Variants in C17orf113 observed in about 807,000 individuals in gnomAD.
C17orf113 encodes the protein uncharacterized protein C17orf113.
In C17orf113, 5 loss-of-function variants were observed where a neutral mutation model predicts 11.6. That is an observed-to-expected ratio of 0.43 (90% CI 0.23 to 0.91). C17orf113 has a LOEUF of 0.91. Among genes scored for constraint, C17orf113 ranks in the 40% least tolerant of loss-of-function variants. C17orf113 has a pLI of 0.26. For synonymous variants in C17orf113, 327 were observed against 390.6 expected (o/e 0.84, Z 1.92); for missense variants, 714 against 841.3 (o/e 0.85, Z 1.87).
Position 42,042,829 on chromosome 17 carries a change from C to T in C17orf113, c.543+5G>A, listed in dbSNP as rs1171357535. 2 of 1,232,188 alleles carry T rather than the reference C, an allele frequency of 1.6e-6. No individual in the cohort carries two copies. The highest frequency in any genetic ancestry group is 6.3e-5 in the East Asian group (2 of 31,720). The allele number at this position is 1,232,188 out of a possible 1,614,324, so 76.3% of individuals were successfully genotyped here. On this transcript the variant is annotated splice_donor_5th_base_variant and intron_variant, in intron 2 of 2. Transcript: ENST00000587304. ...CCTTCCCCCATACTTCTGGCTGTCA[C>T]CCACCTGCATGTCCCTCACCCTCCT...
rs1235395705 is a variant in C17orf113 at position 42,039,744 on chromosome 17, A to G, written c.1989T>C (p.Ser663=). The part of the protein sequence containing the change: ...DFGLAVEFLE[S]GWGEGFLGSQ... ...ACCCCAGGAAGCCCTCTCCCCACCC[A>G]CTCTCTAAGAACTCCACAGCCAACC... Residue 663 remains serine (S), a synonymous_variant, in exon 3 of 3, where the codon AGT becomes AGC. Coordinates refer to ENST00000587304, the MANE Select transcript of C17orf113 (RefSeq NM_001358661.2). 8.1e-7 allele frequency: 1 copy of G among 1,232,160 alleles called. No individual in the cohort carries two copies. The highest frequency in any genetic ancestry group is 3.2e-5 in the East Asian group (1 of 31,690). 76.3% of individuals were successfully genotyped at this position (1,232,160 alleles called of 1,614,324 possible).
Position 42,039,529 on chromosome 17 carries a change from A to C in C17orf113, c.*176T>G. The C allele has an allele frequency of 2.1e-5, 8 of 382,286 alleles. No individual in the cohort carries two copies. The highest frequency in any genetic ancestry group is 6.6e-4 in the Middle Eastern group (1 of 1,512). The allele number at this position is 382,286 out of a possible 1,614,324, so 23.7% of individuals were successfully genotyped here. A position where few individuals can be genotyped will look rare whatever the true frequency, so the allele number is the denominator to read the frequency against. ...CCCTCTTGAGCCAGTCCCTTCCTCCACAGCCCACAGGGTGGGGGGGGTTGG... is the reference window on the plus strand; with the variant it reads ...CCCTCTTGAGCCAGTCCCTTCCTCCCCAGCCCACAGGGTGGGGGGGGTTGG... On this transcript the variant is annotated 3_prime_UTR_variant, in exon 3 of 3. Transcript: ENST00000587304.
chr17:42,040,211 C>T lies in C17orf113; in HGVS notation c.1522G>A (p.Gly508Arg). Reference sequence around the variant, plus strand: ...GCGGCCACGGCGTCCAGCGAAGGCCCGGGGTAGGAGTCCTGTAGGCCCTTC... The same window carrying T: ...GCGGCCACGGCGTCCAGCGAAGGCCTGGGGTAGGAGTCCTGTAGGCCCTTC... ...MRKGLQDSYP[G>R]PSLDAVAAFA... Residue 508 changes from glycine to arginine, a missense_variant, in exon 3 of 3, where the codon GGG becomes AGG. This residue lies in a region of C17orf113 where 516 missense variants were observed against 626.6 expected (regional missense o/e 0.82). Coordinates refer to ENST00000587304, the MANE Select transcript of C17orf113 (RefSeq NM_001358661.2). 5.7e-6 allele frequency: 7 copies of T among 1,231,584 alleles called. No homozygotes were observed. Among genetic ancestry groups the T allele is most frequent in the Non-Finnish European group, 6.1e-6 (6 of 987,844 alleles). 76.3% of individuals were successfully genotyped at this position (1,231,584 alleles called of 1,614,324 possible).
At chr17:42,047,005 G>A (rs1368569059) in intron 1 of C17orf113, among the ~76,000 whole-genome samples, 1 of 150,014 alleles carries the variant, frequency 6.7e-6, no homozygotes, top group Non-Finnish European at 1.5e-5. Flanking sequence ...TGGGATTACA[G>A]GCACATGCCG....
At position 42,040,026 on chromosome 17, in the gene C17orf113, G is replaced by A. The variant is rs962753832; in HGVS notation, c.1707C>T (p.Phe569=). Residue 569 remains phenylalanine, a synonymous_variant, in exon 3 of 3, where the codon TTC becomes TTT. Coordinates refer to ENST00000587304, the MANE Select transcript of C17orf113 (RefSeq NM_001358661.2). ...GDFALFKRVV[F]GLGRLGPRAL... ...CCCGCGGGCCGAGCCGCCCAAGGCC[G>A]AATACTACGCGCTTAAACAGCGCGA... 3.2e-5 allele frequency: 39 copies of A among 1,231,108 alleles called. No homozygotes were observed. In the African/African-American group the frequency reaches 4.5e-4, roughly 14 times the overall value. The allele number at this position is 1,231,108 out of a possible 1,614,324, so 76.3% of individuals were successfully genotyped here. A position where few individuals can be genotyped will look rare whatever the true frequency, so the allele number is the denominator to read the frequency against.
intron 2 of C17orf113, among the ~76,000 whole-genome samples, chr17:42,042,347 C>G (rs1482730045): frequency 6.6e-6 from 1 of 152,108 alleles, no homozygotes; most frequent in Non-Finnish European, 1.5e-5. Context: ...CATGGTGATA[C>G]CCCGTCTCTA....
intron 2 of C17orf113, among the ~76,000 whole-genome samples, chr17:42,041,963 G>C (rs1352280398): frequency 6.6e-6 from 1 of 152,152 alleles, no homozygotes; most frequent in Non-Finnish European, 1.5e-5. Flanking sequence ...TTCAACACAA[G>C]TCACAAATCT....
Position 42,050,003 on chromosome 17 carries a change from T to C in C17orf113, c.-188+554A>G, listed in dbSNP as rs1432026117. Among the ~76,000 whole-genome samples the C allele has an allele frequency of 1.3e-5, 2 of 152,170 alleles. No homozygotes were observed. Among genetic ancestry groups the C allele is most frequent in the Non-Finnish European group, 2.9e-5 (2 of 68,030 alleles). On this transcript the variant is annotated intron_variant, in intron 1 of 2. Transcript: ENST00000587304. The surrounding 1 kb of genome is among the most constrained non-coding windows in gnomAD (Gnocchi z 5.6). The stretch of plus-strand genomic sequence containing the variant: ...GCTGCTATAAACAGGTCAAATTCCA[T>C]TGACATTCTCCCCACCTCAACCTCA...
chr17:42,043,260 C>T lies in C17orf113; in HGVS notation c.117G>A (p.Glu39=). The T allele has an allele frequency of 8.1e-7, 1 of 1,232,282 alleles. No homozygotes were observed. Among genetic ancestry groups the T allele is most frequent in the Non-Finnish European group, 1.0e-6 (1 of 988,034 alleles). 76.3% of individuals were successfully genotyped at this position (1,232,282 alleles called of 1,614,324 possible). The change falls in exon 2 of 3, where the codon GAG becomes GAA. Residue 39 remains glutamate (E), a synonymous_variant. Transcript: ENST00000587304. ...ACTCGAGGCAGAACATCAGCTTCCG[C>T]TCATAGTCAAAGTCCAGCCAGGTAA... is the stretch of plus-strand genomic sequence containing the variant. ...EEFTWLDFDY[E]RKLMFCLECR...
intron 2 of C17orf113, 150 bp downstream of exon 2, chr17:42,042,684 C>T: frequency 1.8e-6 from 1 of 542,606 alleles, no homozygotes; most frequent in South Asian, 1.0e-4. Flanking sequence ...GGACCAGGGA[C>T]ATAGGCTCTC....
At position 42,039,944 on chromosome 17, in the gene C17orf113, A is replaced by G. The variant is rs935766100; in HGVS notation, c.1789T>C (p.Phe597Leu). The G allele has an allele frequency of 4.1e-6, 5 of 1,231,156 alleles. No homozygotes were observed. Among genetic ancestry groups the G allele is most frequent in the Non-Finnish European group, 4.1e-6 (4 of 987,562 alleles). 76.3% of individuals were successfully genotyped at this position (1,231,156 alleles called of 1,614,324 possible). ...AAAGCCAAGGCGGCTAGGGCGGCGA[A>G]GTCGGGGAAGAGCTCGTGCAGCTCC... is the stretch of plus-strand genomic sequence containing the variant. ...HSELHELFPD[F>L]AALAALALAL... Residue 597 changes from phenylalanine (F) to leucine (L), a missense_variant, in exon 3 of 3, where the codon TTC becomes CTC. Transcript: ENST00000587304.
Position 42,040,050 on chromosome 17 carries a change from G to A in C17orf113, c.1683C>T (p.Phe561=). The change falls in exon 3 of 3, where the codon TTC becomes TTT. Residue 561 remains phenylalanine, a synonymous_variant. Transcript: ENST00000587304. The stretch of plus-strand genomic sequence containing the variant: ...CGAATACTACGCGCTTAAACAGCGC[G>A]AAGTCGCCCAGCGCCCGCTGGCGCA... ...AVVRQRALGD[F]ALFKRVVFGL... 2.4e-6 allele frequency: 3 copies of A among 1,231,148 alleles called. No individual in the cohort carries two copies. The highest frequency in any genetic ancestry group is 3.0e-6 in the Non-Finnish European group (3 of 987,542). The allele number at this position is 1,231,148 out of a possible 1,614,324, so 76.3% of individuals were successfully genotyped here.
chr17:42,040,671 C>T lies in C17orf113; in HGVS notation c.1062G>A (p.Trp354Ter), dbSNP rs530564942. 6.6e-5 allele frequency: 81 copies of T among 1,232,272 alleles called. No individual in the cohort carries two copies. In the South Asian group the frequency reaches 3.1e-3, roughly 48 times the overall value. 76.3% of individuals were successfully genotyped at this position (1,232,272 alleles called of 1,614,324 possible). The change falls in exon 3 of 3, where the codon TGG becomes TGA. Residue 354 changes from tryptophan to a stop codon, truncating the protein, a stop_gained. Coordinates refer to ENST00000587304, the MANE Select transcript of C17orf113 (RefSeq NM_001358661.2). LOFTEE classifies it low-confidence loss of function (END_TRUNC). ...IDLAGPRPVP[W>*]ASLLPVVEAV... ...CTTCCACTACAGGCAGCAGGGAGGCCCAGGGCACTGGCCGAGGCCCTGCCA... is the reference window on the plus strand; with the variant it reads ...CTTCCACTACAGGCAGCAGGGAGGCTCAGGGCACTGGCCGAGGCCCTGCCA...
chr17:42,047,900 G>A (rs552804391), intron 1 of C17orf113, among the ~76,000 whole-genome samples: 6 of 151,562 alleles, frequency 4.0e-5, no homozygotes, highest in African/African-American at 4.9e-5. Flanking sequence ...TGATCTGCCC[G>A]CCTCAGCCTC....
chr17:42,048,994 C>G (rs564817690), intron 1 of C17orf113, among the ~76,000 whole-genome samples: 64 of 152,172 alleles, frequency 4.2e-4, no homozygotes, highest in African/African-American at 1.3e-3. Flanking sequence ...ACCACCCACT[C>G]CTCTAAGGCC....
chr17:42,047,655 G>A (rs2053194754), intron 1 of C17orf113, among the ~76,000 whole-genome samples: 1 of 151,852 alleles, frequency 6.6e-6, no homozygotes, highest in African/African-American at 2.4e-5. Flanking sequence ...CCTCTTCCTT[G>A]GGACTTTTTT....
chr17:42,041,549 A>T (rs2053022309), intron 2 of C17orf113, among the ~76,000 whole-genome samples: 1 of 152,194 alleles, frequency 6.6e-6, no homozygotes, highest in South Asian at 2.1e-4. Flanking sequence ...TTGTGGTAAA[A>T]GCACTTTATG....
rs367696996 is a variant in C17orf113 at position 42,039,484 on chromosome 17, C to T, written c.*221G>A. The stretch of plus-strand genomic sequence containing the variant: ...TTTAGGGTACCCCAGATCCTAGCAT[C>T]TCTGCCCACCCGCCCAGGCCCCTCT... On this transcript the variant is annotated 3_prime_UTR_variant, in exon 3 of 3. Coordinates refer to ENST00000587304, the MANE Select transcript of C17orf113 (RefSeq NM_001358661.2). 45 of 398,038 alleles carry T rather than the reference C, an allele frequency of 1.1e-4. No individual in the cohort carries two copies. Among genetic ancestry groups the T allele is most frequent in the East Asian group, 9.4e-4 (26 of 27,574 alleles). The allele number at this position is 398,038 out of a possible 1,614,324, so 24.7% of individuals were successfully genotyped here.
chr17:42,038,650 C>T lies in C17orf113; in HGVS notation c.*1055G>A, dbSNP rs2052924543. 1 of 151,910 alleles carries T rather than the reference C, an allele frequency of 6.6e-6. No individual in the cohort carries two copies. The highest frequency in any genetic ancestry group is 1.5e-5 in the Non-Finnish European group (1 of 68,076). 9.4% of individuals were successfully genotyped at this position (151,910 alleles called of 1,614,324 possible). ...CCAGCCCATCTGGGGCTTTTTTCGA[C>T]CCTGTCATTGCAAAACCAAAAGTAG... On this transcript the variant is annotated 3_prime_UTR_variant, in exon 3 of 3. Transcript: ENST00000587304.
Sources: allele counts gnomAD v4.1 joint callset (sites outside exome capture counted in the v4.1 genomes callset), GRCh38; gene constraint gnomAD v4.1.1; regional missense constraint gnomAD v4.1.1; non-coding constraint Gnocchi (gnomAD v3.1); transcripts MANE v1.5; gene names NCBI Gene and HGNC (gene_info 2026-07-23, HGNC 2026-07-21).